The following MSRA variants were observed in gnomAD, a reference collection of about 807,000 sequenced individuals.
MSRA encodes the protein methionine sulfoxide reductase A.
MSRA carries 54 observed loss-of-function variants against 31.3 expected under a neutral mutation model. That is an observed-to-expected ratio of 1.73 (90% CI 1.39 to 2.17). The LOEUF is 2.17. Ranked by LOEUF, MSRA falls within the 30% of genes most tolerant of loss-of-function variation. The pLI is 0.00. For missense variants in MSRA, 507 were observed against 300.9 expected (o/e 1.69, Z -5.07); for synonymous variants, 169 against 116.5 (o/e 1.45, Z -2.90).
At chr8:10,229,136 A>G (rs548362751) in intron 2 of MSRA, among the ~76,000 whole-genome samples, 3 of 152,328 alleles carry the variant, frequency 2.0e-5, no homozygotes, top group African/African-American at 7.2e-5. Context: ...AAGGCTTCAG[A>G]CATCCTGCTG....
At chr8:10,248,356 G>T (rs1442959365) in intron 3 of MSRA, among the ~76,000 whole-genome samples, 2 of 152,170 alleles carry the variant, frequency 1.3e-5, no homozygotes, top group African/African-American at 2.4e-5. Flanking sequence ...TGGGGCAGAT[G>T]CCAGAAATAT....
At chr8:10,168,299 C>A (rs749395034) in intron 1 of MSRA, among the ~76,000 whole-genome samples, 7 of 152,070 alleles carry the variant, frequency 4.6e-5, no homozygotes, top group Non-Finnish European at 1.0e-4. Context: ...ATGTGGAATT[C>A]CCAGTCTTCT....
intron 5 of MSRA, among the ~76,000 whole-genome samples, chr8:10,349,813 G>A (rs1804013503): frequency 6.6e-6 from 1 of 152,248 alleles, no homozygotes; most frequent in Non-Finnish European, 1.5e-5. Context: ...CTGTGTCCTT[G>A]ATGTCTGTGA....
rs7831992 is a variant in MSRA, at chr8:10,392,932, G to T, written c.544-35216G>T. On this transcript the variant is annotated intron_variant, in intron 5 of 5. Transcript: ENST00000317173. ...AAAAAATTAGCCGGCAGTAATGGCGGGCGCCTATAGTCCCAGCTACTCGGC... is the reference window on the plus strand; with the variant it reads ...AAAAAATTAGCCGGCAGTAATGGCGTGCGCCTATAGTCCCAGCTACTCGGC... Among the ~76,000 whole-genome samples the T allele has an allele frequency of 2.8e-3, 422 of 150,188 alleles. 2 individuals carry two copies. Among genetic ancestry groups the T allele is most frequent in the African/African-American group, 9.8e-3 (403 of 40,964 alleles).
intron 1 of MSRA, among the ~76,000 whole-genome samples, chr8:10,139,480 G>A (rs1341950148): frequency 1.3e-5 from 2 of 152,158 alleles, no homozygotes; most frequent in African/African-American, 4.8e-5. Flanking sequence ...CACCCAAACA[G>A]TGTGCATTGT....
chr8:10,279,895 A>G (rs1394415507), intron 3 of MSRA, among the ~76,000 whole-genome samples: 3 of 152,214 alleles, frequency 2.0e-5, no homozygotes, highest in African/African-American at 7.2e-5. Context: ...CTCAGTGTGC[A>G]TTAAATGTGG....
In MSRA at chr8:10,150,648, C is replaced by T. The variant is rs371568340; in HGVS notation, c.143-57185C>T. On this transcript the variant is annotated intron_variant, in intron 1 of 5. Transcript: ENST00000317173. Reference sequence around the variant, plus strand: ...AGCAATTATGGCCTCGTTTGATTGACAGATATCTGTGGGTTTGTTTTTCTG... The same window carrying T: ...AGCAATTATGGCCTCGTTTGATTGATAGATATCTGTGGGTTTGTTTTTCTG... Among the ~76,000 whole-genome samples the T allele has an allele frequency of 3.3e-5, 5 of 152,210 alleles. No homozygotes were observed. The South Asian group carries it at 6.2e-4, about 19-fold the overall frequency.
At chr8:10,424,538 G>A (rs1420611331) in intron 5 of MSRA, among the ~76,000 whole-genome samples, 1 of 151,516 alleles carries the variant, frequency 6.6e-6, no homozygotes, top group Non-Finnish European at 1.5e-5. Flanking sequence ...GGAGTGGGAT[G>A]GGGAGAAGGA....
chr8:10,317,160 C>G (rs995161154), intron 4 of MSRA, among the ~76,000 whole-genome samples: 1 of 152,208 alleles, frequency 6.6e-6, no homozygotes, highest in African/African-American at 2.4e-5. Context: ...ATAGAGATAG[C>G]GATTTCAGAC....
At chr8:10,169,336 G>C (rs1262125258) in intron 1 of MSRA, among the ~76,000 whole-genome samples, 2 of 152,236 alleles carry the variant, frequency 1.3e-5, no homozygotes, top group South Asian at 2.1e-4. Context: ...TTCGCAGGAA[G>C]GGGTATTCAG....
At chr8:10,306,210 C>T (rs1454622831) in intron 4 of MSRA, among the ~76,000 whole-genome samples, 1 of 152,112 alleles carries the variant, frequency 6.6e-6, no homozygotes, top group Non-Finnish European at 1.5e-5. Flanking sequence ...AGGACACTTA[C>T]CCAACCTGAA....
chr8:10,303,835 T>C (rs1800980327), intron 4 of MSRA, among the ~76,000 whole-genome samples: 2 of 152,256 alleles, frequency 1.3e-5, no homozygotes, highest in African/African-American at 2.4e-5. Context: ...TTCTATTACA[T>C]GTAACAGTAA....
At chr8:10,179,459 C>A (rs1806348789) in intron 1 of MSRA, among the ~76,000 whole-genome samples, 2 of 152,156 alleles carry the variant, frequency 1.3e-5, no homozygotes, top group Non-Finnish European at 2.9e-5. Flanking sequence ...CATATTGCAT[C>A]TGTGTATTTC....
intron 4 of MSRA, among the ~76,000 whole-genome samples, chr8:10,301,841 GC>G (rs1306661836): frequency 6.6e-6 from 1 of 152,090 alleles, no homozygotes; most frequent in African/African-American, 2.4e-5. Flanking sequence ...CGGCGCCCCT[GC>G]CCCCCTTACA....
chr8:10,300,684 T>C (rs1662959930), intron 3 of MSRA, among the ~76,000 whole-genome samples: 1 of 152,174 alleles, frequency 6.6e-6, no homozygotes, highest in Admixed American at 6.5e-5. Context: ...ATGCCCAGCT[T>C]GCCAAATTCT....
chr8:10,237,670 C>T (rs1156443281), intron 2 of MSRA, among the ~76,000 whole-genome samples: 1 of 152,224 alleles, frequency 6.6e-6, no homozygotes, highest in Non-Finnish European at 1.5e-5. Flanking sequence ...TCTTTTCCTA[C>T]ACGTCTGCTC....
intron 1 of MSRA, among the ~76,000 whole-genome samples, chr8:10,190,736 T>C (rs780552267): frequency 7.2e-5 from 11 of 152,248 alleles, no homozygotes; most frequent in Non-Finnish European, 1.6e-4. Context: ...AAATTTCTTG[T>C]AAGCAGTATC....
intron 1 of MSRA, among the ~76,000 whole-genome samples, chr8:10,199,778 G>A (rs1040487171): frequency 2.0e-5 from 3 of 152,064 alleles, no homozygotes; most frequent in African/African-American, 4.8e-5. Context: ...CTCACTCTTT[G>A]GGCTAAAAAT....
At chr8:10,348,871 G>A (rs570046328) in intron 5 of MSRA, among the ~76,000 whole-genome samples, 1 of 152,200 alleles carries the variant, frequency 6.6e-6, no homozygotes, top group South Asian at 2.1e-4. Context: ...TGTGCATAAC[G>A]ATCTCATAGA....
Sources: allele counts gnomAD v4.1 joint callset (sites outside exome capture counted in the v4.1 genomes callset), GRCh38; gene constraint gnomAD v4.1.1; transcripts MANE v1.5; gene names NCBI Gene and HGNC (gene_info 2026-07-23, HGNC 2026-07-21).